The following CDC42BPA variants were observed in gnomAD, a reference collection of about 807,000 sequenced individuals.
The protein encoded by CDC42BPA is serine/threonine-protein kinase MRCK alpha.
Under a neutral mutation model 223.5 loss-of-function variants are expected in CDC42BPA, and 80 were observed. The ratio of observed to expected loss-of-function variants is 0.36; its 90% CI spans 0.30 to 0.43. The LOEUF (loss-of-function observed/expected upper bound fraction) is 0.43, where lower values mean the gene tolerates loss of function less well. Among genes scored for constraint, CDC42BPA ranks in the 20% least tolerant of loss-of-function variants. The pLI is 1.00. For missense variants in CDC42BPA, 1,743 were observed against 2,099.9 expected (o/e 0.83, Z 3.32); for synonymous variants, 694 against 718.6 (o/e 0.97, Z 0.55).
intron 23 of CDC42BPA, among the ~76,000 whole-genome samples, chr1:227,041,866 G>A (rs1430586021): frequency 3.9e-5 from 6 of 152,118 alleles, no homozygotes; most frequent in African/African-American, 1.4e-4. Context: ...CCCAGTCAGG[G>A]TACAGACACT....
At chr1:227,054,630 T>C (rs542621961) in intron 21 of CDC42BPA, among the ~76,000 whole-genome samples, 2 of 152,274 alleles carry the variant, frequency 1.3e-5, no homozygotes, top group East Asian at 3.9e-4. Context: ...CTACACAAAT[T>C]AGTAACTCTT....
intron 3 of CDC42BPA, among the ~76,000 whole-genome samples, chr1:227,203,994 A>G (rs1274029938): frequency 1.3e-5 from 2 of 152,200 alleles, no homozygotes; most frequent in African/African-American, 4.8e-5. Flanking sequence ...ATGAGTTAAA[A>G]AGAAACAAAA....
intron 2 of CDC42BPA, among the ~76,000 whole-genome samples, chr1:227,253,244 G>A (rs1325416847): frequency 1.4e-5 from 2 of 140,134 alleles, no homozygotes; most frequent in African/African-American, 5.5e-5. Context: ...GAGAGAAAGA[G>A]AGCGAGAGAG....
chr1:227,148,968 T>G (rs753715869), intron 6 of CDC42BPA, among the ~76,000 whole-genome samples: 7 of 151,858 alleles, frequency 4.6e-5, no homozygotes, highest in Admixed American at 2.0e-4. Flanking sequence ...TACTCAAATT[T>G]TAACATACAC....
intron 19 of CDC42BPA, among the ~76,000 whole-genome samples, chr1:227,073,126 T>C (rs1465368222): frequency 6.6e-6 from 1 of 152,176 alleles, no homozygotes; most frequent in Non-Finnish European, 1.5e-5. Flanking sequence ...GCATTTCTTT[T>C]CAGGCTTTTG....
chr1:227,159,214 C>T (rs1172542976), intron 6 of CDC42BPA, among the ~76,000 whole-genome samples: 1 of 152,104 alleles, frequency 6.6e-6, no homozygotes, highest in African/African-American at 2.4e-5. Context: ...TGGCCGGGCA[C>T]GGTGGCTCAC....
At chr1:227,021,568 G>A (rs1228352217) in intron 32 of CDC42BPA, among the ~76,000 whole-genome samples, 1 of 151,946 alleles carries the variant, frequency 6.6e-6, no homozygotes, top group East Asian at 1.9e-4. Flanking sequence ...AAGCAATTTT[G>A]TGTATTCCAG....
In CDC42BPA at chr1:227,185,412, G is replaced by A. The variant is rs561358352; in HGVS notation, c.599+8374C>T. Among the ~76,000 whole-genome samples, 100 of 152,234 alleles carry A rather than the reference G, an allele frequency of 6.6e-4. 1 individual carries two copies. The highest frequency in any genetic ancestry group is 2.3e-3 in the African/African-American group (94 of 41,558). On this transcript the variant is annotated intron_variant, in intron 5 of 36. Transcript: ENST00000366766. The stretch of plus-strand genomic sequence containing the variant: ...TTGCCCTTGCCCCCACATGTGCCTG[G>A]CAGTATGGCTGCCCCTACATATCCC...
chr1:227,115,253 G>A (rs1381309182), intron 12 of CDC42BPA, among the ~76,000 whole-genome samples: 1 of 152,048 alleles, frequency 6.6e-6, no homozygotes, highest in African/African-American at 2.4e-5. Flanking sequence ...TTAGTAACCA[G>A]TTAAAGGCCA....
At chr1:227,232,589 T>A (rs866343740) in intron 2 of CDC42BPA, among the ~76,000 whole-genome samples, 1 of 152,218 alleles carries the variant, frequency 6.6e-6, no homozygotes, top group Middle Eastern at 3.4e-3. Flanking sequence ...ACAGATGGGG[T>A]TTTGGTGTGG....
chr1:227,051,989 G>C lies in CDC42BPA; in HGVS notation c.2905-4C>G, dbSNP rs1341227256. ...ATGTGTTCTCAACGGGATCAGTCTA[G>C]GAAAATAAGTCGGGAAAAATAAAAA... On this transcript the variant is annotated splice_polypyrimidine_tract_variant and splice_region_variant and intron_variant, in intron 21 of 36. Transcript: ENST00000366766. 1 of 1,363,500 alleles carries C rather than the reference G, an allele frequency of 7.3e-7. No individual in the cohort carries two copies. 84.5% of individuals were successfully genotyped at this position (1,363,500 alleles called of 1,614,324 possible).
chr1:227,035,362 A>G, intron 25 of CDC42BPA, 109 bp downstream of exon 25: 1 of 778,866 alleles, frequency 1.3e-6, no homozygotes, highest in Non-Finnish European at 2.0e-6. Context: ...GATGAATTTT[A>G]TTCATTTAAT....
intron 24 of CDC42BPA, among the ~76,000 whole-genome samples, chr1:227,037,709 C>A (rs1190505144): frequency 6.6e-6 from 1 of 152,140 alleles, no homozygotes; most frequent in East Asian, 1.9e-4. Context: ...TTTGAGTTAG[C>A]AACTATTTTC....
chr1:227,277,860 C>T (rs2148538272), intron 1 of CDC42BPA, among the ~76,000 whole-genome samples: 1 of 152,268 alleles, frequency 6.6e-6, no homozygotes, highest in Admixed American at 6.5e-5. Context: ...CATCATTCTC[C>T]TGCCTCAGCC....
chr1:227,103,822 A>T (rs1572831645), intron 14 of CDC42BPA, among the ~76,000 whole-genome samples: 2 of 152,224 alleles, frequency 1.3e-5, no homozygotes, highest in Admixed American at 1.3e-4. Context: ...AATAGATTAA[A>T]CAGTTAATTA....
rs561689890 is a variant in CDC42BPA, at chr1:227,264,996, T to C, written c.179-10841A>G. The C allele has an allele frequency of 1.8e-4, 155 of 856,066 alleles. 3 individuals are homozygous for C. In the South Asian group the frequency reaches 2.0e-3, roughly 11 times the overall value. 53.0% of individuals were successfully genotyped at this position (856,066 alleles called of 1,614,324 possible). ...TTTGGGCAGTGCTGCTACCTTTTTC[T>C]TACATTCTTTCTGCAATTTCTGTCA... is the stretch of plus-strand genomic sequence containing the variant. On this transcript the variant is annotated intron_variant, in intron 1 of 36. Transcript: ENST00000366766.
chr1:227,125,331 G>A (rs536581957), intron 11 of CDC42BPA, among the ~76,000 whole-genome samples: 18 of 152,096 alleles, frequency 1.2e-4, no homozygotes, highest in Non-Finnish European at 2.6e-4. Context: ...TCAGAAAAAT[G>A]CTGGGTGTGG....
rs762831529 is a variant in CDC42BPA, at chr1:227,082,496, C to T, written c.2356-1479G>A. 2.9e-4 allele frequency among the ~76,000 whole-genome samples: 44 copies of T among 151,820 alleles called. No homozygotes were observed. In the South Asian group the frequency reaches 4.8e-3, roughly 17 times the overall value. ...TTGGGAGGCTGAGACGGGTGGATCACGAGGTCAGGAGATCGAGGCCATCCT... is the reference window on the plus strand; with the variant it reads ...TTGGGAGGCTGAGACGGGTGGATCATGAGGTCAGGAGATCGAGGCCATCCT... On this transcript the variant is annotated intron_variant, in intron 16 of 36. Transcript: ENST00000366766.
intron 1 of CDC42BPA, among the ~76,000 whole-genome samples, chr1:227,255,860 G>A (rs964742251): frequency 6.6e-6 from 1 of 152,074 alleles, no homozygotes; most frequent in African/African-American, 2.4e-5. Context: ...ACTTAATATT[G>A]TTAATATGAC....
Sources: gnomAD v4.1 joint callset for allele counts (sites outside exome capture counted in the v4.1 genomes callset) on GRCh38, gnomAD v4.1.1 for gene constraint, MANE v1.5 for transcripts, NCBI Gene and HGNC (gene_info 2026-07-23, HGNC 2026-07-21) for gene names.